KCNJ12: variants seen among roughly 807,000 people sequenced by gnomAD.
KCNJ12 encodes ATP-sensitive inward rectifier potassium channel 12.
A neutral mutation model predicts 22.3 loss-of-function variants in KCNJ12; 2 were observed. The ratio of observed to expected loss-of-function variants is 0.09; its 90% CI spans 0.04 to 0.28. The LOEUF is 0.28. Among genes scored for constraint, KCNJ12 ranks in the 10% least tolerant of loss-of-function variants. The pLI is 1.00. For synonymous variants in KCNJ12, 117 were observed against 261.4 expected (o/e 0.45, Z 5.33); for missense variants, 155 against 633.3 (o/e 0.24, Z 8.11).
intron 2 of KCNJ12, among the ~76,000 whole-genome samples, chr17:21,415,000 C>G (rs1277457262): frequency 2.0e-5 from 3 of 152,240 alleles, no homozygotes; most frequent in Admixed American, 2.0e-4. Context: ...TAGATTCAGG[C>G]CTTGAGGGTG....
At chr17:21,386,211 T>C (rs1905064538) in intron 1 of KCNJ12, among the ~76,000 whole-genome samples, 2 of 152,222 alleles carry the variant, frequency 1.3e-5, no homozygotes, top group South Asian at 4.1e-4. Context: ...GGAGAAGCCA[T>C]TCTGGGGCTT....
At chr17:21,390,177 A>G (rs1418501870) in intron 1 of KCNJ12, among the ~76,000 whole-genome samples, 2 of 151,944 alleles carry the variant, frequency 1.3e-5, no homozygotes, top group Non-Finnish European at 2.9e-5. Context: ...TTCCCTCCCC[A>G]TGATGGACTG....
chr17:21,393,363 G>C (rs1905256420), intron 1 of KCNJ12, among the ~76,000 whole-genome samples: 1 of 152,078 alleles, frequency 6.6e-6, no homozygotes, highest in African/African-American at 2.4e-5. Context: ...GTCTGAGTTT[G>C]TCCCTGAGGC....
At position 21,416,087 on chromosome 17, in the gene KCNJ12, A is replaced by G. The variant is rs4985866; in HGVS notation, c.745A>G (p.Ile249Val). Residue 249 changes from isoleucine (I) to valine (V), a missense_variant, in exon 3 of 3, where the codon ATC becomes GTC. Physicochemically the swap from Ile to Val is conservative, Grantham distance 29. Coordinates refer to ENST00000583088, the MANE Select transcript of KCNJ12 (RefSeq NM_021012.5). ...GGGCGAGTACATCCCGCTGGACCAG[A>G]TCGACATCGATGTGGGCTTCGACAA... The part of the protein sequence containing the change: ...EEGEYIPLDQ[I>V]DIDVGFDKGL... 3.5e-5 allele frequency: 56 copies of G among 1,610,500 alleles called. No homozygotes were observed. Among genetic ancestry groups the G allele is most frequent in the Middle Eastern group, 1.7e-4 (1 of 6,048 alleles).
At chr17:21,379,937 G>A (rs1294859857) in intron 1 of KCNJ12, among the ~76,000 whole-genome samples, 1 of 152,160 alleles carries the variant, frequency 6.6e-6, no homozygotes, top group African/African-American at 2.4e-5. Context: ...GCAGAGGGTG[G>A]CATTAGCTCT....
chr17:21,411,655 CATCTGTGAAATGGG>C (rs1305293134), intron 2 of KCNJ12, among the ~76,000 whole-genome samples: 1 of 152,312 alleles, frequency 6.6e-6, no homozygotes, highest in Non-Finnish European at 1.5e-5. Flanking sequence ...TTGGTTCTCC[CATCTGTGAAATGGG>C]GAGCCAGCCT....
At chr17:21,404,301 A>G (rs1463511539) in intron 1 of KCNJ12, among the ~76,000 whole-genome samples, 2 of 152,422 alleles carry the variant, frequency 1.3e-5, no homozygotes, top group Admixed American at 6.5e-5. Flanking sequence ...GGTTGGTCTC[A>G]GGCGGGGTTC....
rs1555557297 is a variant in KCNJ12 at position 21,376,685 on chromosome 17, C to T, written c.-407C>T. ...CAGCCGCCCCGGCCCAAGCGAGCGCCCAGCGGCCGGGGGCGCCGTCCAGGC... is the reference window on the plus strand; with the variant it reads ...CAGCCGCCCCGGCCCAAGCGAGCGCTCAGCGGCCGGGGGCGCCGTCCAGGC... On this transcript the variant is annotated 5_prime_UTR_variant, in exon 1 of 3. Transcript: ENST00000583088. This position sits in a 1 kb window ranked among gnomAD's most constrained non-coding sequence, Gnocchi z 5.3. The T allele has an allele frequency of 6.6e-6, 1 of 151,674 alleles. No individual in the cohort carries two copies. The allele number at this position is 151,674 out of a possible 1,614,324, so 9.4% of individuals were successfully genotyped here.
chr17:21,389,430 A>G (rs1054159381), intron 1 of KCNJ12, among the ~76,000 whole-genome samples: 2 of 152,208 alleles, frequency 1.3e-5, no homozygotes, highest in Non-Finnish European at 2.9e-5. Context: ...TGTGTACCAC[A>G]TCCCGGAGCC....
intron 1 of KCNJ12, among the ~76,000 whole-genome samples, chr17:21,402,560 T>G (rs1905684172): frequency 6.6e-6 from 1 of 152,310 alleles, no homozygotes; most frequent in Non-Finnish European, 1.5e-5. Flanking sequence ...CTACCCTATT[T>G]TCCTGGACTC....
At position 21,415,324 on chromosome 17, in the gene KCNJ12, G is replaced by C. The variant is rs1342715724; in HGVS notation, c.-19G>C. The C allele has an allele frequency of 1.9e-6, 3 of 1,601,094 alleles. No homozygotes were observed. The highest frequency in any genetic ancestry group is 1.7e-5 in the Admixed American group (1 of 59,774). On this transcript the variant is annotated 5_prime_UTR_variant, in exon 3 of 3. Coordinates refer to ENST00000583088, the MANE Select transcript of KCNJ12 (RefSeq NM_021012.5). ...CTGGAGCTAGCCTGGGGGCGAGCCA[G>C]GGTCCCCCAACCCCCGGGATGACCG...
chr17:21,405,589 GA>G (rs1252095796), intron 1 of KCNJ12, among the ~76,000 whole-genome samples: 8 of 152,396 alleles, frequency 5.2e-5, no homozygotes, highest in African/African-American at 1.4e-4. Flanking sequence ...TTCCGTGGGG[GA>G]TTTCAGCCCC....
intron 1 of KCNJ12, among the ~76,000 whole-genome samples, chr17:21,404,314 T>A (rs76150590): frequency 1.3e-5 from 2 of 152,110 alleles, no homozygotes; most frequent in Non-Finnish European, 2.9e-5. Context: ...CGGGGTTCTC[T>A]CCCCTGCTGC....
chr17:21,381,533 C>T (rs1252437135), intron 1 of KCNJ12, among the ~76,000 whole-genome samples: 1 of 152,030 alleles, frequency 6.6e-6, no homozygotes, highest in Non-Finnish European at 1.5e-5. Context: ...CAGGCCCACT[C>T]CTACCTCAGG....
intron 1 of KCNJ12, among the ~76,000 whole-genome samples, chr17:21,394,784 G>A (rs782526496): frequency 1.3e-5 from 2 of 152,214 alleles, no homozygotes; most frequent in South Asian, 2.1e-4. Context: ...GGCGTAAGGC[G>A]TTGGAGGTGG....
intron 1 of KCNJ12, among the ~76,000 whole-genome samples, chr17:21,398,758 G>A (rs1028754286): frequency 2.0e-5 from 3 of 152,224 alleles, no homozygotes; most frequent in African/African-American, 7.2e-5. Context: ...GTCGTGTATC[G>A]GTGTACACAT....
At chr17:21,406,691 G>T (rs1262832808) in intron 1 of KCNJ12, among the ~76,000 whole-genome samples, 30 of 152,424 alleles carry the variant, frequency 2.0e-4, no homozygotes, top group Non-Finnish European at 3.2e-4. Flanking sequence ...ATCTAGGTCT[G>T]TGTGCCTCTA....
At chr17:21,412,733 G>A (rs1365177713) in intron 2 of KCNJ12, among the ~76,000 whole-genome samples, 1 of 152,312 alleles carries the variant, frequency 6.6e-6, no homozygotes, top group South Asian at 2.1e-4. Context: ...GAGGTGGTCA[G>A]CCACAGCGGT....
chr17:21,382,308 G>A (rs1904895746), intron 1 of KCNJ12, among the ~76,000 whole-genome samples: 1 of 152,178 alleles, frequency 6.6e-6, no homozygotes, highest in Non-Finnish European at 1.5e-5. Context: ...GGGGCGTGGG[G>A]CCTCTCATAT....
Sources: allele counts gnomAD v4.1 joint callset (sites outside exome capture counted in the v4.1 genomes callset), GRCh38; gene constraint gnomAD v4.1.1; non-coding constraint Gnocchi (gnomAD v3.1); transcripts MANE v1.5; gene names NCBI Gene and HGNC (gene_info 2026-07-23, HGNC 2026-07-21).